RORA: variants seen among roughly 807,000 people sequenced by gnomAD.
RORA encodes nuclear receptor ROR-alpha.
A neutral mutation model predicts 69.5 loss-of-function variants in RORA; 7 were observed. The observed-to-expected ratio is 0.10, with a 90% CI of 0.06 to 0.19. The LOEUF (loss-of-function observed/expected upper bound fraction) is 0.19. RORA is among the 10% of genes least tolerant of loss of function. The pLI is 1.00. For missense variants in RORA, 457 were observed against 663.0 expected (o/e 0.69, Z 3.41); for synonymous variants, 261 against 240.8 (o/e 1.08, Z -0.78).
At chr15:60,835,700 TC>T (rs765441201) in intron 1 of RORA, among the ~76,000 whole-genome samples, 1 of 152,150 alleles carries the variant, frequency 6.6e-6, no homozygotes, top group Non-Finnish European at 1.5e-5. Flanking sequence ...GACTCTTACT[TC>T]CCTGTCCAAA....
At chr15:61,190,337 G>A (rs761720765) in intron 1 of RORA, among the ~76,000 whole-genome samples, 2 of 152,136 alleles carry the variant, frequency 1.3e-5, no homozygotes, top group Non-Finnish European at 2.9e-5. Flanking sequence ...TGTTTTACAC[G>A]GTGCATGGAA....
At chr15:60,976,829 T>A (rs1893884548) in intron 1 of RORA, among the ~76,000 whole-genome samples, 1 of 152,186 alleles carries the variant, frequency 6.6e-6, no homozygotes, top group African/African-American at 2.4e-5. Flanking sequence ...AGGGAGGACA[T>A]GGCCCAGCTC....
At chr15:60,847,939 C>G (rs1455184023) in intron 1 of RORA, 1 of 152,224 alleles carries the variant, frequency 6.6e-6, no homozygotes, top group Non-Finnish European at 1.5e-5. Flanking sequence ...CCAGTGAGAA[C>G]ACAACTCTCC....
At chr15:60,751,814 G>A (rs1024953216) in intron 1 of RORA, among the ~76,000 whole-genome samples, 6 of 152,096 alleles carry the variant, frequency 3.9e-5, no homozygotes, top group Admixed American at 3.9e-4. Flanking sequence ...CAGAGCTGAG[G>A]AACAAAAACA....
intron 1 of RORA, among the ~76,000 whole-genome samples, chr15:60,851,951 T>C (rs2073329779): frequency 6.6e-6 from 1 of 152,202 alleles, no homozygotes; most frequent in Non-Finnish European, 1.5e-5. Context: ...TCCCCGGCCA[T>C]GTTCCCCATC....
chr15:60,841,506 TTG>T (rs1328953321), intron 1 of RORA, among the ~76,000 whole-genome samples: 1 of 152,174 alleles, frequency 6.6e-6, no homozygotes, highest in Admixed American at 6.5e-5. Flanking sequence ...GGGGGCTGTA[TTG>T]GTTCTGGAGA....
chr15:60,710,703 T>G (rs1285641914), intron 1 of RORA, among the ~76,000 whole-genome samples: 2 of 152,152 alleles, frequency 1.3e-5, no homozygotes, highest in East Asian at 3.8e-4. Flanking sequence ...TTCTCATGGC[T>G]GCAACCCAAT....
At chr15:60,521,185 A>T (rs2066153993) in intron 3 of RORA, among the ~76,000 whole-genome samples, 1 of 152,148 alleles carries the variant, frequency 6.6e-6, no homozygotes. Flanking sequence ...GTCCAGGCAT[A>T]CATAGTAGTT....
Position 60,708,306 on chromosome 15 carries a change from C to T in RORA, c.167-29620G>A, listed in dbSNP as rs148449409. ...GCTTGGTGGTGTGTGCCTGTAGTCCCACCTACTTGGGAGGCTGAGACAGGA... is the reference window on the plus strand; with the variant it reads ...GCTTGGTGGTGTGTGCCTGTAGTCCTACCTACTTGGGAGGCTGAGACAGGA... On this transcript the variant is annotated intron_variant, in intron 1 of 10. Coordinates refer to ENST00000335670, the MANE Select transcript of RORA (RefSeq NM_134261.3). Among the ~76,000 whole-genome samples the T allele has an allele frequency of 6.7e-3, 1,018 of 151,850 alleles. 29 individuals are homozygous for T. The East Asian group carries it at 0.088, about 13-fold the overall frequency.
intron 1 of RORA, among the ~76,000 whole-genome samples, chr15:60,819,773 A>ACACACGCGCACACG: frequency 6.6e-6 from 1 of 150,786 alleles, no homozygotes; most frequent in East Asian, 1.9e-4. Flanking sequence ...ACACACACAC[A>ACACACGCGCACACG]CACACACACA....
chr15:60,515,991 TTATATATATTTATATATATTTATA>T (rs1567051181), intron 3 of RORA, among the ~76,000 whole-genome samples: 2 of 8,132 alleles, frequency 2.5e-4, no homozygotes, highest in Non-Finnish European at 2.4e-4. Flanking sequence ...TTATATATAT[TTATATATATTTATATATATTTATA>T]TATATTTATA....
At chr15:60,751,024 G>A (rs896524752) in intron 1 of RORA, among the ~76,000 whole-genome samples, 4 of 152,220 alleles carry the variant, frequency 2.6e-5, no homozygotes, top group East Asian at 1.9e-4. Flanking sequence ...GGCAGGCAGT[G>A]AGGAGAGCAG....
At chr15:60,944,311 T>C (rs1327755684) in intron 1 of RORA, among the ~76,000 whole-genome samples, 1 of 152,138 alleles carries the variant, frequency 6.6e-6, no homozygotes, top group Middle Eastern at 3.2e-3. Context: ...CTAGAACCAC[T>C]GGTCTAGACC....
At chr15:60,925,157 A>G (rs1892174838) in intron 1 of RORA, among the ~76,000 whole-genome samples, 1 of 151,758 alleles carries the variant, frequency 6.6e-6, no homozygotes, top group South Asian at 2.1e-4. Flanking sequence ...TACTCTAACA[A>G]TTGAGGAAGT....
At chr15:60,521,482 C>T (rs2066165344) in intron 3 of RORA, among the ~76,000 whole-genome samples, 1 of 152,110 alleles carries the variant, frequency 6.6e-6, no homozygotes, top group South Asian at 2.1e-4. Flanking sequence ...CCCCGTGATT[C>T]GCCTGCCTCG....
At chr15:61,043,928 A>G (rs971937307) in intron 1 of RORA, among the ~76,000 whole-genome samples, 2 of 152,206 alleles carry the variant, frequency 1.3e-5, no homozygotes, top group African/African-American at 4.8e-5. Flanking sequence ...AATTTGCAGT[A>G]ATGCACAAGT....
Position 61,175,541 on chromosome 15 carries a change from T to TAAATAAAAAAAAAAA in RORA, c.166+53511_166+53512insTTTTTTTTTTTATTT, listed in dbSNP as rs61188463. 5.3e-4 allele frequency among the ~76,000 whole-genome samples: 64 copies of TAAATAAAAAAAAAAA among 120,064 alleles called. 11 individuals carry two copies. The highest frequency in any genetic ancestry group is 6.3e-4 in the Non-Finnish European group (36 of 57,428). 78.8% of individuals were successfully genotyped at this position (120,064 alleles called of 152,430 possible). On this transcript the variant is annotated intron_variant, in intron 1 of 10. Coordinates refer to ENST00000335670, the MANE Select transcript of RORA (RefSeq NM_134261.3). ...GAGCAACATAGTGAGATCCTGTTTC[T>TAAATAAAAAAAAAAA]AAAAAAAAAAAAAAAAAACTTGCCA... is the stretch of plus-strand genomic sequence containing the variant.
At chr15:61,173,259 G>A (rs1321655067) in intron 1 of RORA, among the ~76,000 whole-genome samples, 1 of 152,172 alleles carries the variant, frequency 6.6e-6, no homozygotes, top group Non-Finnish European at 1.5e-5. Context: ...CAGCTTGAAA[G>A]TGGTGGTACA....
At chr15:61,000,523 A>G in intron 1 of RORA, among the ~76,000 whole-genome samples, 1 of 152,184 alleles carries the variant, frequency 6.6e-6, no homozygotes, top group East Asian at 1.9e-4. Flanking sequence ...CATGCCTGGG[A>G]GAGCAGGGAG....
Sources: allele counts gnomAD v4.1 joint callset (sites outside exome capture counted in the v4.1 genomes callset), GRCh38; gene constraint gnomAD v4.1.1; transcripts MANE v1.5; gene names NCBI Gene and HGNC (gene_info 2026-07-23, HGNC 2026-07-21).